Variants in STARD13 observed in about 807,000 individuals in gnomAD.
The protein encoded by STARD13 is stAR-related lipid transfer protein 13.
In STARD13, 62 loss-of-function variants were observed where a neutral mutation model predicts 106.4. The observed-to-expected ratio is 0.58, with a 90% CI of 0.48 to 0.72. The LOEUF is 0.72. Ranked by LOEUF, STARD13 falls within the 30% of genes least tolerant of loss-of-function variation. The probability of loss-of-function intolerance (pLI) is 0.00; values close to 1 mark genes in which losing one functional copy is unlikely to be tolerated. For missense variants in STARD13, 1,387 were observed against 1,424.0 expected (o/e 0.97, Z 0.42); for synonymous variants, 565 against 553.0 (o/e 1.02, Z -0.31).
chr13:33,408,344 T>A, the STARD13 span, among the ~76,000 whole-genome samples: 1 of 152,182 alleles, frequency 6.6e-6, no homozygotes, highest in Admixed American at 6.5e-5. Flanking sequence ...GCAACCTCCA[T>A]TCTACTTTCT....
chr13:33,392,847 G>T, the STARD13 span, among the ~76,000 whole-genome samples: 3 of 152,248 alleles, frequency 2.0e-5, no homozygotes, highest in Admixed American at 1.3e-4. Context: ...GCCTCATGTG[G>T]GTCACCTTTC....
chr13:33,400,235 T>C, the STARD13 span, among the ~76,000 whole-genome samples: 3 of 152,228 alleles, frequency 2.0e-5, no homozygotes, highest in Non-Finnish European at 4.4e-5. Flanking sequence ...TGTCTTCATA[T>C]GTGTTACTTA....
At chr13:33,661,763 G>A in the STARD13 span, among the ~76,000 whole-genome samples, 762 of 152,130 alleles carry the variant, frequency 5.0e-3, 11 homozygotes, top group African/African-American at 0.018. Context: ...TTAACACATG[G>A]GGATTGTTAC....
chr13:33,317,666 A>G (rs542128281), intron 1 of STARD13, among the ~76,000 whole-genome samples: 217 of 152,192 alleles, frequency 1.4e-3, no homozygotes, highest in African/African-American at 5.1e-3. Context: ...ATTTTGTAAA[A>G]TCTGCTTGAT....
the STARD13 span, among the ~76,000 whole-genome samples, chr13:33,650,346 A>G: frequency 6.7e-6 from 1 of 148,422 alleles, no homozygotes; most frequent in African/African-American, 2.5e-5. Flanking sequence ...GCCCGCCACT[A>G]CGCCCGGCTA....
At chr13:33,443,193 C>A in the STARD13 span, among the ~76,000 whole-genome samples, 1 of 151,732 alleles carries the variant, frequency 6.6e-6, no homozygotes, top group Admixed American at 6.6e-5. Flanking sequence ...CTGGCTAACA[C>A]GGTGAAGACC....
At chr13:33,616,837 A>C in the STARD13 span, among the ~76,000 whole-genome samples, 1 of 152,244 alleles carries the variant, frequency 6.6e-6, no homozygotes, top group Non-Finnish European at 1.5e-5. Context: ...ATCCATAACA[A>C]GAGGAACTCA....
intron 1 of STARD13, among the ~76,000 whole-genome samples, chr13:33,264,032 G>C (rs1014936307): frequency 1.3e-5 from 2 of 152,178 alleles, no homozygotes; most frequent in Non-Finnish European, 2.9e-5. Flanking sequence ...TCTCCATGTG[G>C]GGAAGAAGGA....
chr13:33,547,292 C>T, the STARD13 span, among the ~76,000 whole-genome samples: 705 of 152,256 alleles, frequency 4.6e-3, 8 homozygotes, highest in Non-Finnish European at 7.2e-3. Context: ...AAATTTGATC[C>T]CTTTAAGCAA....
At chr13:33,596,062 C>G in the STARD13 span, among the ~76,000 whole-genome samples, 1 of 152,182 alleles carries the variant, frequency 6.6e-6, no homozygotes, top group African/African-American at 2.4e-5. Flanking sequence ...ATCAGGGAAT[C>G]ATTATCCAAT....
the STARD13 span, among the ~76,000 whole-genome samples, chr13:33,614,267 C>T: frequency 7.9e-5 from 1 of 12,586 alleles, no homozygotes; most frequent in African/African-American, 3.2e-4. Context: ...TGGATACATT[C>T]TCCGTGTGTG....
chr13:33,621,504 T>C, the STARD13 span, among the ~76,000 whole-genome samples: 25,236 of 151,164 alleles, frequency 0.17, 4,425 homozygotes, highest in African/African-American at 0.44. Context: ...GGTGAAACCC[T>C]GTCTCTACTA....
chr13:33,211,326 C>A (rs960936961), intron 1 of STARD13, among the ~76,000 whole-genome samples: 14 of 152,006 alleles, frequency 9.2e-5, no homozygotes, highest in African/African-American at 3.4e-4. Context: ...GAAGCATAGC[C>A]TAAAAAAGTA....
At chr13:33,299,158 C>T (rs1325741480) in intron 1 of STARD13, among the ~76,000 whole-genome samples, 8 of 152,162 alleles carry the variant, frequency 5.3e-5, no homozygotes, top group Non-Finnish European at 7.3e-5. Flanking sequence ...GAGCAATAGG[C>T]CACCCCACAT....
intron 8 of STARD13, 25 bp from the exon 9 acceptor site, chr13:33,112,956 A>T (rs1299795169): frequency 2.0e-5 from 32 of 1,572,672 alleles, no homozygotes; most frequent in Non-Finnish European, 2.8e-5. Flanking sequence ...ATGCCAGGTC[A>T]TTGGAGGAGC....
chr13:33,134,723 A>C (rs537639485), intron 4 of STARD13, among the ~76,000 whole-genome samples: 1 of 152,372 alleles, frequency 6.6e-6, no homozygotes, highest in African/African-American at 2.4e-5. Flanking sequence ...TTGTTGTTAG[A>C]GAATAGCAAT....
chr13:33,349,914 G>T (rs896201990), intron 1 of STARD13, among the ~76,000 whole-genome samples: 2 of 152,228 alleles, frequency 1.3e-5, no homozygotes, highest in African/African-American at 4.8e-5. Flanking sequence ...CAGCCCTCGC[G>T]AAGGGCCACT....
chr13:33,545,036 A>G, the STARD13 span, among the ~76,000 whole-genome samples: 2 of 151,062 alleles, frequency 1.3e-5, no homozygotes, highest in Non-Finnish European at 3.0e-5. Flanking sequence ...GCTCATCACA[A>G]CCTCTGCTCC....
At position 33,166,772 on chromosome 13, in the gene STARD13, G is replaced by A. The variant is rs966841651; in HGVS notation, c.241+779C>T. Among the ~76,000 whole-genome samples the A allele has an allele frequency of 9.2e-5, 14 of 152,174 alleles. 1 individual carries two copies. The highest frequency in any genetic ancestry group is 2.6e-4 in the African/African-American group (11 of 41,528). ...CACTTAGGGAGGCCGAGGTGGGAAA[G>A]TCACTTGAGGTCAGGAGTTCGAGAC... On this transcript the variant is annotated intron_variant, in intron 2 of 13. Transcript: ENST00000336934.
Sources: allele counts gnomAD v4.1 joint callset (sites outside exome capture counted in the v4.1 genomes callset), GRCh38; gene constraint gnomAD v4.1.1; transcripts MANE v1.5; gene names NCBI Gene and HGNC (gene_info 2026-07-23, HGNC 2026-07-21).